The following EYS variants were observed in gnomAD, a reference collection of about 807,000 sequenced individuals.
EYS encodes EGF-like photoreceptor maintenance factor, also known as protein eyes shut homolog.
In EYS, 250 loss-of-function variants were observed where a neutral mutation model predicts 282.1. The ratio of observed to expected loss-of-function variants is 0.89; its 90% CI spans 0.80 to 0.98. The LOEUF (loss-of-function observed/expected upper bound fraction) is 0.98, where lower values mean the gene tolerates loss of function less well. Among genes scored for constraint, EYS ranks in the 50% least tolerant of loss-of-function variants. The pLI, the probability that EYS is intolerant of heterozygous loss-of-function variation, is 0.00. For missense variants in EYS, 4,016 were observed against 3,709.0 expected, an observed-to-expected ratio of 1.08 and a Z score of -2.15; for synonymous variants, 1,355 against 1,282.9, an observed-to-expected ratio of 1.06 and a Z score of -1.20.
At chr6:64,430,600 C>T (rs1306103504) in intron 28 of EYS, among the ~76,000 whole-genome samples, 1 of 151,982 alleles carries the variant, frequency 6.6e-6, no homozygotes, top group African/African-American at 2.4e-5. Flanking sequence ...TTGCTTTTAT[C>T]CTAAAGGTAG....
chr6:64,963,661 T>C (rs1770000169), intron 14 of EYS, among the ~76,000 whole-genome samples: 1 of 152,180 alleles, frequency 6.6e-6, no homozygotes, highest in Admixed American at 6.5e-5. Context: ...TCATACAATT[T>C]TAGCTATTCG....
At chr6:65,176,933 A>G (rs1433156547) in intron 12 of EYS, among the ~76,000 whole-genome samples, 2 of 151,644 alleles carry the variant, frequency 1.3e-5, no homozygotes, top group Non-Finnish European at 3.0e-5. Flanking sequence ...TTTTAGGTAT[A>G]TGTTTTTCAT....
intron 30 of EYS, among the ~76,000 whole-genome samples, chr6:64,237,834 A>G (rs1487568233): frequency 1.3e-5 from 2 of 152,192 alleles, no homozygotes; most frequent in Non-Finnish European, 2.9e-5. Context: ...AAAAACATAT[A>G]TAATTGTCAT....
At chr6:64,966,324 G>T (rs999026747) in intron 14 of EYS, among the ~76,000 whole-genome samples, 12 of 152,080 alleles carry the variant, frequency 7.9e-5, no homozygotes, top group African/African-American at 2.9e-4. Context: ...GAAAGAAATT[G>T]GTGTTGGGGG....
chr6:64,683,896 T>C (rs1043138255), intron 22 of EYS, among the ~76,000 whole-genome samples: 8 of 152,136 alleles, frequency 5.3e-5, no homozygotes, highest in African/African-American at 1.9e-4. Context: ...TTCCTCCTTA[T>C]CAGCAGCCAA....
intron 30 of EYS, among the ~76,000 whole-genome samples, chr6:64,288,317 C>A (rs1484166609): frequency 6.6e-6 from 1 of 152,020 alleles, no homozygotes; most frequent in African/African-American, 2.4e-5. Flanking sequence ...TATAAATCAG[C>A]CTGCTGGACA....
chr6:63,920,634 A>G (rs1264365888), intron 35 of EYS, among the ~76,000 whole-genome samples: 1 of 152,156 alleles, frequency 6.6e-6, no homozygotes, highest in African/African-American at 2.4e-5. Context: ...GTTGAACCAC[A>G]TGAGTTGGAT....
chr6:64,642,228 G>A (rs961146776), intron 22 of EYS, among the ~76,000 whole-genome samples: 1 of 152,096 alleles, frequency 6.6e-6, no homozygotes, highest in Admixed American at 6.5e-5. Context: ...AAAGTTAAAA[G>A]CATCTTGAAT....
intron 2 of EYS, among the ~76,000 whole-genome samples, chr6:65,545,688 A>C: frequency 6.6e-6 from 1 of 152,174 alleles, no homozygotes; most frequent in East Asian, 1.9e-4. Flanking sequence ...AAATCAAAAT[A>C]AGCTACATAT....
At position 64,230,711 on chromosome 6, in the gene EYS, A is replaced by G. The variant is rs1169323722; in HGVS notation, c.6305T>C (p.Val2102Ala). 1 of 1,551,638 alleles carries G rather than the reference A, an allele frequency of 6.4e-7. No homozygotes were observed. Among genetic ancestry groups the G allele is most frequent in the East Asian group, 2.4e-5 (1 of 40,922 alleles). The change falls in exon 31 of 43, where the codon GTG becomes GCG. Residue 2102 changes from valine to alanine, a missense_variant. Transcript: ENST00000503581. ...SVSPSVAAPS[V>A]CQQDVCHNGG... ...ATTGTGGCATACATCCTGCTGGCAC[A>G]CAGAGGGTGCTGCAACAGAGGGGCT...
intron 35 of EYS, among the ~76,000 whole-genome samples, chr6:63,894,909 T>C (rs1421045480): frequency 6.6e-6 from 1 of 152,068 alleles, no homozygotes; most frequent in Non-Finnish European, 1.5e-5. Flanking sequence ...TTTAAGCCAC[T>C]CAGTTTGTGG....
intron 2 of EYS, among the ~76,000 whole-genome samples, chr6:65,504,253 C>T (rs75919942): frequency 4.0e-5 from 6 of 151,556 alleles, no homozygotes; most frequent in Non-Finnish European, 8.9e-5. Flanking sequence ...TTGTTCATTG[C>T]TGTTACAGGG....
At chr6:64,452,673 G>C (rs186636239) in intron 26 of EYS, among the ~76,000 whole-genome samples, 7 of 152,208 alleles carry the variant, frequency 4.6e-5, no homozygotes, top group African/African-American at 1.7e-4. Flanking sequence ...ACAGACCAAT[G>C]GAACAGAATA....
chr6:65,573,428 A>C (rs545965928), intron 2 of EYS, among the ~76,000 whole-genome samples: 5 of 152,156 alleles, frequency 3.3e-5, no homozygotes, highest in Non-Finnish European at 7.4e-5. Context: ...ATCAATAGCT[A>C]TCCTGGCTGA....
intron 2 of EYS, among the ~76,000 whole-genome samples, chr6:65,584,884 A>T (rs1262234021): frequency 2.8e-5 from 4 of 142,924 alleles, no homozygotes; most frequent in African/African-American, 1.0e-4. Flanking sequence ...GCACTATGGG[A>T]ATATTATATA....
chr6:64,717,449 G>C (rs573483684), intron 22 of EYS, among the ~76,000 whole-genome samples: 1 of 152,314 alleles, frequency 6.6e-6, no homozygotes, highest in South Asian at 2.1e-4. Flanking sequence ...GTTCACAATA[G>C]AGTTTGGGCT....
At chr6:63,892,660 A>G (rs1481996836) in intron 35 of EYS, among the ~76,000 whole-genome samples, 1 of 152,350 alleles carries the variant, frequency 6.6e-6, no homozygotes, top group African/African-American at 2.4e-5. Context: ...CATTCAGGAC[A>G]TAGGCATGGG....
intron 22 of EYS, among the ~76,000 whole-genome samples, chr6:64,722,703 A>C (rs976224454): frequency 6.6e-6 from 1 of 152,208 alleles, no homozygotes. Flanking sequence ...AAATAATCCT[A>C]GAAAACAAGG....
At chr6:64,301,318 C>T (rs978158429) in intron 30 of EYS, among the ~76,000 whole-genome samples, 7 of 152,180 alleles carry the variant, frequency 4.6e-5, no homozygotes, top group African/African-American at 1.4e-4. Flanking sequence ...CCTGGATTCT[C>T]CCAGGTATTT....
Sources: allele counts gnomAD v4.1 joint callset (sites outside exome capture counted in the v4.1 genomes callset), GRCh38; gene constraint gnomAD v4.1.1; transcripts MANE v1.5; gene names NCBI Gene and HGNC (gene_info 2026-07-23, HGNC 2026-07-21).